Variants in LRFN3 observed in about 807,000 individuals in gnomAD.
The protein encoded by LRFN3 is leucine rich repeat and fibronectin type III domain containing 3, also known as leucine-rich repeat and fibronectin type-III domain-containing protein 3.
In LRFN3, 8 loss-of-function variants were observed where a neutral mutation model predicts 23.8. The observed-to-expected ratio is 0.34, with a 90% CI of 0.20 to 0.61. The LOEUF is 0.61. LRFN3 is among the 20% of genes least tolerant of loss of function. The pLI, the probability that LRFN3 is intolerant of heterozygous loss-of-function variation, is 0.80. For synonymous variants in LRFN3, 451 were observed against 450.6 expected (o/e 1.00, Z -0.01); for missense variants, 736 against 935.3 (o/e 0.79, Z 2.78).
chr19:35,940,749 C>T lies in LRFN3; in HGVS notation c.1324C>T (p.Leu442Phe), dbSNP rs1976110926. 2.5e-6 allele frequency: 4 copies of T among 1,613,030 alleles called. No homozygotes were observed. The highest frequency in any genetic ancestry group is 3.4e-6 in the Non-Finnish European group (4 of 1,179,636). ...GACTGAGCACGGGGCCACAGCTGCT[C>T]TTGTCCAGTGGCCGGATCAGCGGCC... ...QVTEHGATAA[L>F]VQWPDQRPIP... Residue 442 changes from leucine to phenylalanine, a missense_variant, in exon 2 of 3, where the codon CTT becomes TTT. By Grantham distance (22) the Leu-to-Phe change is conservative. Around this residue, in one of 2 missense-constraint regions of LRFN3, gnomAD observed 290 missense variants for 287.4 expected, o/e 1.01. Transcript: ENST00000246529.
In LRFN3 at chr19:35,946,012, A is replaced by G. The variant is rs1295873242; in HGVS notation, c.*993A>G. Among the ~76,000 whole-genome samples, 1 of 151,888 alleles carries G rather than the reference A, an allele frequency of 6.6e-6. No individual in the cohort carries two copies. The highest frequency in any genetic ancestry group is 1.5e-5 in the Non-Finnish European group (1 of 67,958). On this transcript the variant is annotated 3_prime_UTR_variant, in exon 3 of 3. Transcript: ENST00000246529. ...GTGGGTTGACAGAGACACTCGGGAA[A>G]CTGTGGGAAGCTGAGGCGGTGGGTT...
Position 35,940,631 on chromosome 19 carries a change from C to T in LRFN3, c.1206C>T (p.Asp402=), listed in dbSNP as rs969220180. The part of the protein sequence containing the change: ...ANSTSCDPPR[D]GDPDALTPPS... ...GCACCAGCTGTGACCCCCCGCGGGACGGGGATCCTGATGCTCTCACCCCAC... is the reference window on the plus strand; with the variant it reads ...GCACCAGCTGTGACCCCCCGCGGGATGGGGATCCTGATGCTCTCACCCCAC... The change falls in exon 2 of 3, where the codon GAC becomes GAT. Residue 402 remains aspartate, a synonymous_variant. Coordinates refer to ENST00000246529, the MANE Select transcript of LRFN3 (RefSeq NM_024509.2). The T allele has an allele frequency of 1.1e-5, 18 of 1,609,986 alleles. No individual in the cohort carries two copies. Among genetic ancestry groups the T allele is most frequent in the South Asian group, 8.8e-5 (8 of 90,976 alleles).
At position 35,939,305 on chromosome 19, in the gene LRFN3, G is replaced by A; in HGVS notation, c.-16-105G>A. 1 of 1,227,760 alleles carries A rather than the reference G, an allele frequency of 8.1e-7. No homozygotes were observed. Among genetic ancestry groups the A allele is most frequent in the Non-Finnish European group, 1.1e-6 (1 of 894,922 alleles). 76.1% of individuals were successfully genotyped at this position (1,227,760 alleles called of 1,614,324 possible). ...GGTCACATCTGACGGTCTTTGACCA[G>A]CCCTTCTGCCCTCAGCCCACTGTGA... On this transcript the variant is annotated intron_variant, in intron 1 of 2. Coordinates refer to ENST00000246529, the MANE Select transcript of LRFN3 (RefSeq NM_024509.2). This position sits in a 1 kb window ranked among gnomAD's most constrained non-coding sequence, Gnocchi z 6.4.
Position 35,936,492 on chromosome 19 carries a change from TCTCTGAGCGCGGCCCCTCC to T in LRFN3, c.-1078_-1060del, listed in dbSNP as rs1976057556. 1.6e-5 allele frequency: 1 copy of T among 61,500 alleles called. No homozygotes were observed. The highest frequency in any genetic ancestry group is 6.4e-5 in the African/African-American group (1 of 15,564). 3.8% of individuals were successfully genotyped at this position (61,500 alleles called of 1,614,324 possible). A position where few individuals can be genotyped will look rare whatever the true frequency, so the allele number is the denominator to read the frequency against. On this transcript the variant is annotated 5_prime_UTR_variant, in exon 1 of 3. Transcript: ENST00000246529. Reference sequence around the variant, plus strand: ...CGCCTCGGCCCCGGCGGGGGAGGGGTCTCTGAGCGCGGCCCCTCCCCCCTGCGCCCCCGCCTGCGCTGCG... The same window carrying T: ...CGCCTCGGCCCCGGCGGGGGAGGGGTCCCCTGCGCCCCCGCCTGCGCTGCG...
In LRFN3 at chr19:35,940,401, C is replaced by T. The variant is rs746797483; in HGVS notation, c.976C>T (p.Arg326Cys). The change falls in exon 2 of 3, where the codon CGT becomes TGT. Residue 326 changes from arginine to cysteine, a missense_variant. Arg to Cys is a radical substitution (Grantham distance 180, BLOSUM62 -3). This residue lies in a region of LRFN3 where 446 missense variants were observed against 647.9 expected (regional missense o/e 0.69). Coordinates refer to ENST00000246529, the MANE Select transcript of LRFN3 (RefSeq NM_024509.2). ...CCGGGCAGTGGGGGACCCAGAGCCC[C>T]GTGTGCGTTGGGTGTCACCCCAGGG... is the stretch of plus-strand genomic sequence containing the variant. The part of the protein sequence containing the change: ...RCRAVGDPEP[R>C]VRWVSPQGRL... The T allele has an allele frequency of 1.2e-4, 194 of 1,579,606 alleles. No homozygotes were observed. The highest frequency in any genetic ancestry group is 1.6e-4 in the Non-Finnish European group (188 of 1,167,794).
intron 2 of LRFN3, among the ~76,000 whole-genome samples, chr19:35,941,797 G>A (rs1477125495): frequency 2.0e-5 from 3 of 152,080 alleles, no homozygotes; most frequent in Admixed American, 1.3e-4. Context: ...TGGTCTAGAA[G>A]TCCTGACCTC....
In LRFN3 at chr19:35,937,539, G is replaced by T. The variant is rs1290051731; in HGVS notation, c.-33G>T. ...CTGGAGCTAGGACTCTGCTCCCTGG[G>T]GCTGCTTCTAGCTCAGGTAAGGCTG... On this transcript the variant is annotated 5_prime_UTR_variant, in exon 1 of 3. Transcript: ENST00000246529. 6.5e-6 allele frequency: 1 copy of T among 152,784 alleles called. No individual in the cohort carries two copies. Among genetic ancestry groups the T allele is most frequent in the African/African-American group, 2.4e-5 (1 of 41,420 alleles). 9.5% of individuals were successfully genotyped at this position (152,784 alleles called of 1,614,324 possible). A position where few individuals can be genotyped will look rare whatever the true frequency, so the allele number is the denominator to read the frequency against.
chr19:35,942,899 C>G lies in LRFN3; in HGVS notation c.1416-1649C>G, dbSNP rs564751464. On this transcript the variant is annotated intron_variant, in intron 2 of 2. Coordinates refer to ENST00000246529, the MANE Select transcript of LRFN3 (RefSeq NM_024509.2). ...AAAAAATTAGCTGAGTGTGGTGGCA[C>G]GCGCCTGTAGTCCCAGCTACTCAGG... 3.3e-5 allele frequency among the ~76,000 whole-genome samples: 5 copies of G among 152,062 alleles called. No homozygotes were observed. In the East Asian group the frequency reaches 7.7e-4, roughly 23 times the overall value.
chr19:35,944,620 G>T lies in LRFN3; in HGVS notation c.1488G>T (p.Val496=). The T allele has an allele frequency of 6.4e-7, 1 of 1,557,276 alleles. No individual in the cohort carries two copies. The highest frequency in any genetic ancestry group is 1.2e-5 in the South Asian group (1 of 82,902). Residue 496 remains valine, a synonymous_variant, in exon 3 of 3, where the codon GTG becomes GTT. Transcript: ENST00000246529. This position sits in a 1 kb window ranked among gnomAD's most constrained non-coding sequence, Gnocchi z 4.5. ...CAGGCCGGACCTACGATCTGTGCGT[G>T]CTCGCCGTGTATGAGGACAGCGCCA... is the stretch of plus-strand genomic sequence containing the variant. ...LASGRTYDLC[V]LAVYEDSATG... is the part of the protein sequence containing the mutation.
chr19:35,940,972 A>T, intron 2 of LRFN3, 132 bp downstream of exon 2: 1 of 1,304,624 alleles, frequency 7.7e-7, no homozygotes, highest in Non-Finnish European at 9.9e-7. Context: ...AAGAAATCAG[A>T]GAGCAAAAGT....
Position 35,944,819 on chromosome 19 carries a change from A to C in LRFN3, c.1687A>C (p.Lys563Gln). 1.9e-6 allele frequency: 3 copies of C among 1,609,350 alleles called. No homozygotes were observed. The South Asian group carries it at 3.3e-5, about 18-fold the overall frequency. Residue 563 changes from lysine to glutamine, a missense_variant, in exon 3 of 3, where the codon AAG becomes CAG. By Grantham distance (53) the Lys-to-Gln change is moderately conservative (BLOSUM62 1). Coordinates refer to ENST00000246529, the MANE Select transcript of LRFN3 (RefSeq NM_024509.2). This position sits in a 1 kb window ranked among gnomAD's most constrained non-coding sequence, Gnocchi z 4.5. ...VFIFVLLMRY[K>Q]VHGGQPPGKA... ...CATCTTCGTGCTGCTAATGCGCTAC[A>C]AGGTGCACGGCGGCCAGCCCCCCGG...
rs1211439032 is a variant in LRFN3 at position 35,936,409 on chromosome 19, G to T, written c.-1163G>T. Among the ~76,000 whole-genome samples the T allele has an allele frequency of 2.6e-5, 4 of 151,266 alleles. No individual in the cohort carries two copies. The highest frequency in any genetic ancestry group is 3.2e-3 in the Middle Eastern group (1 of 314). On this transcript the variant is annotated 5_prime_UTR_variant, in exon 1 of 3. Coordinates refer to ENST00000246529, the MANE Select transcript of LRFN3 (RefSeq NM_024509.2). Reference sequence around the variant, plus strand: ...GCGCGCGCTGCCCTGGGTTGCCGGCGAGGAGGCCGCGGGAGCGCCTGGACC... The same window carrying T: ...GCGCGCGCTGCCCTGGGTTGCCGGCTAGGAGGCCGCGGGAGCGCCTGGACC...
At position 35,940,217 on chromosome 19, in the gene LRFN3, G is replaced by C; in HGVS notation, c.792G>C (p.Ala264=). ...NCELVWLRRL[A]REDDLEACAS... ...AGCTGGTGTGGCTGCGTCGCCTGGC[G>C]CGGGAGGACGACCTCGAGGCCTGCG... Residue 264 remains alanine, a synonymous_variant, in exon 2 of 3, where the codon GCG becomes GCC. Transcript: ENST00000246529. 6.2e-7 allele frequency: 1 copy of C among 1,608,434 alleles called. No homozygotes were observed. Among genetic ancestry groups the C allele is most frequent in the Non-Finnish European group, 8.5e-7 (1 of 1,179,458 alleles).
In LRFN3 at chr19:35,936,981, C is replaced by T. The variant is rs1402273162; in HGVS notation, c.-591C>T. The stretch of plus-strand genomic sequence containing the variant: ...AGATTTGACATCTAAAACCTCAAGC[C>T]TGGAGCTGAACTCTGAATTCTGGGC... On this transcript the variant is annotated 5_prime_UTR_variant, in exon 1 of 3. Transcript: ENST00000246529. 1.3e-5 allele frequency: 2 copies of T among 152,280 alleles called. No homozygotes were observed. Among genetic ancestry groups the T allele is most frequent in the Non-Finnish European group, 2.9e-5 (2 of 68,112 alleles). 9.4% of individuals were successfully genotyped at this position (152,280 alleles called of 1,614,324 possible).
chr19:35,944,519 G>C lies in LRFN3; in HGVS notation c.1416-29G>C. On this transcript the variant is annotated intron_variant, in intron 2 of 2. Transcript: ENST00000246529. This position sits in a 1 kb window ranked among gnomAD's most constrained non-coding sequence, Gnocchi z 4.5. Reference sequence around the variant, plus strand: ...ACAGGTTGGGGGCTGGGCAGCCTGAGACCTGACCCCCACCTGCCTGCCCTG... The same window carrying C: ...ACAGGTTGGGGGCTGGGCAGCCTGACACCTGACCCCCACCTGCCTGCCCTG... The C allele has an allele frequency of 7.1e-7, 1 of 1,400,572 alleles. No individual in the cohort carries two copies. The highest frequency in any genetic ancestry group is 3.2e-5 in the Admixed American group (1 of 31,472). The allele number at this position is 1,400,572 out of a possible 1,614,324, so 86.8% of individuals were successfully genotyped here.
At position 35,940,622 on chromosome 19, in the gene LRFN3, C is replaced by G. The variant is rs1202172880; in HGVS notation, c.1197C>G (p.Pro399=). The change falls in exon 2 of 3, where the codon CCC becomes CCG. Residue 399 remains proline (P), a synonymous_variant. Coordinates refer to ENST00000246529, the MANE Select transcript of LRFN3 (RefSeq NM_024509.2). The part of the protein sequence containing the change: ...PQLANSTSCD[P]PRDGDPDALT... ...TAGCCAACAGCACCAGCTGTGACCC[C>G]CCGCGGGACGGGGATCCTGATGCTC... 6.2e-7 allele frequency: 1 copy of G among 1,610,102 alleles called. No homozygotes were observed. The highest frequency in any genetic ancestry group is 8.5e-7 in the Non-Finnish European group (1 of 1,177,270).
chr19:35,939,810 G>T lies in LRFN3; in HGVS notation c.385G>T (p.Gly129Cys). 1 of 1,603,198 alleles carries T rather than the reference G, an allele frequency of 6.2e-7. No homozygotes were observed. The highest frequency in any genetic ancestry group is 1.3e-5 in the African/African-American group (1 of 75,034). ...CTCACTGGGCGAGGGCCAGCTGCGC[G>T]GCCTGGTCAACTTGCGCCACCTCAT... is the stretch of plus-strand genomic sequence containing the variant. ...LTSLGEGQLR[G>C]LVNLRHLILS... The change falls in exon 2 of 3, where the codon GGC (glycine) becomes TGC (cysteine). Residue 129 changes from glycine (G) to cysteine (C), a missense_variant. Physicochemically the swap from Gly to Cys is radical, Grantham distance 159. This residue lies in a region of LRFN3 where 446 missense variants were observed against 647.9 expected (regional missense o/e 0.69). Coordinates refer to ENST00000246529, the MANE Select transcript of LRFN3 (RefSeq NM_024509.2). The surrounding 1 kb of genome is among the most constrained non-coding windows in gnomAD (Gnocchi z 6.4).
At position 35,944,875 on chromosome 19, in the gene LRFN3, C is replaced by A. The variant is rs923610170; in HGVS notation, c.1743C>A (p.Ser581Arg). The stretch of plus-strand genomic sequence containing the variant: ...CCAAGATTCCCGCGCCTGTTAGCAG[C>A]GTTTGCTCCCAGACCAACGGCGCCC... ...GKAKIPAPVS[S>R]VCSQTNGALG... is the part of the protein sequence containing the mutation. Residue 581 changes from serine to arginine, a missense_variant, in exon 3 of 3, where the codon AGC (serine) becomes AGA (arginine). This residue lies in a region of LRFN3 where 290 missense variants were observed against 287.4 expected (regional missense o/e 1.01). Transcript: ENST00000246529. This position sits in a 1 kb window ranked among gnomAD's most constrained non-coding sequence, Gnocchi z 4.5. The A allele has an allele frequency of 6.3e-7, 1 of 1,597,820 alleles. No individual in the cohort carries two copies.
At position 35,936,857 on chromosome 19, in the gene LRFN3, T is replaced by G. The variant is rs1976063634; in HGVS notation, c.-715T>G. 6.6e-6 allele frequency: 1 copy of G among 152,066 alleles called. No homozygotes were observed. The highest frequency in any genetic ancestry group is 2.1e-4 in the South Asian group (1 of 4,820). The allele number at this position is 152,066 out of a possible 1,614,324, so 9.4% of individuals were successfully genotyped here. Reference sequence around the variant, plus strand: ...GATCTGGAGCCTGAACCCCAGTATATGGGGCTGGAATCTCAACATCGGTCA... The same window carrying G: ...GATCTGGAGCCTGAACCCCAGTATAGGGGGCTGGAATCTCAACATCGGTCA... On this transcript the variant is annotated 5_prime_UTR_variant, in exon 1 of 3. The change abolishes an upstream ATG in the 5' untranslated region. Transcript: ENST00000246529.
Sources: allele counts gnomAD v4.1 joint callset (sites outside exome capture counted in the v4.1 genomes callset), GRCh38; gene constraint gnomAD v4.1.1; regional missense constraint gnomAD v4.1.1; non-coding constraint Gnocchi (gnomAD v3.1); transcripts MANE v1.5; gene names NCBI Gene and HGNC (gene_info 2026-07-23, HGNC 2026-07-21).